HDLBP: variants seen among roughly 807,000 people sequenced by gnomAD.
HDLBP encodes vigilin.
A neutral mutation model predicts 137.3 loss-of-function variants in HDLBP; 30 were observed. That is an observed-to-expected ratio of 0.22 (90% CI 0.16 to 0.30). HDLBP has a LOEUF of 0.30. Among genes scored for constraint, HDLBP ranks in the 10% least tolerant of loss-of-function variants. HDLBP has a pLI of 1.00. For missense variants in HDLBP, 1,119 were observed against 1,667.3 expected (o/e 0.67, Z 5.73); for synonymous variants, 606 against 596.0 (o/e 1.02, Z -0.24).
intron 1 of HDLBP, among the ~76,000 whole-genome samples, chr2:241,314,099 T>C (rs1461186431): frequency 6.6e-5 from 10 of 152,228 alleles, no homozygotes; most frequent in Admixed American, 6.5e-4. Context: ...CTTGATAGGT[T>C]GATGTTTCAG....
In HDLBP at chr2:241,272,939, CGCCCAGCACCCGGGAG is replaced by C. The variant is rs901813271; in HGVS notation, c.-102-4414_-102-4399del. On this transcript the variant is annotated intron_variant, in intron 1 of 27. Transcript: ENST00000310931. The surrounding 1 kb of genome is among the most constrained non-coding windows in gnomAD (Gnocchi z 5.6). ...CGCTGGGGTCCCCGCCGCCCCGGGC[CGCCCAGCACCCGGGAG>C]GCCCACCCAACTGCAGGCGTGGTTC... 237 of 856,972 alleles carry C rather than the reference CGCCCAGCACCCGGGAG, an allele frequency of 2.8e-4. No homozygotes were observed. The highest frequency in any genetic ancestry group is 3.3e-4 in the Non-Finnish European group (234 of 712,652). The allele number at this position is 856,972 out of a possible 1,614,324, so 53.1% of individuals were successfully genotyped here. A position where few individuals can be genotyped will look rare whatever the true frequency, so the allele number is the denominator to read the frequency against.
intron 1 of HDLBP, among the ~76,000 whole-genome samples, chr2:241,295,592 C>G (rs1054069921): frequency 6.6e-6 from 1 of 152,210 alleles, no homozygotes; most frequent in Non-Finnish European, 1.5e-5. Flanking sequence ...CCCCCAATCA[C>G]ACTCCAAATA....
intron 1 of HDLBP, among the ~76,000 whole-genome samples, chr2:241,284,666 ACGTG>A (rs1397752640): frequency 6.6e-6 from 1 of 152,236 alleles, no homozygotes; most frequent in Non-Finnish European, 1.5e-5. Context: ...AAACAACATC[ACGTG>A]CTACAGAGAA....
At chr2:241,267,960 T>C in intron 2 of HDLBP, 1 of 985,082 alleles carries the variant, frequency 1.0e-6, no homozygotes. Flanking sequence ...CATTCAGCAT[T>C]CTGAGGTAGG....
chr2:241,264,334 C>G (rs2073474382), intron 4 of HDLBP, 114 bp downstream of exon 4: 14 of 704,232 alleles, frequency 2.0e-5, no homozygotes, highest in Non-Finnish European at 2.9e-5. Flanking sequence ...TGCACTCCAG[C>G]CTGGGCGACA....
rs1229026680 is a variant in HDLBP at position 241,229,606 on chromosome 2, G to A, written c.3802C>T (p.Arg1268Ter). The stretch of plus-strand genomic sequence containing the variant: ...GGTTCTGTTCTTTTTGATCATTATC[G>A]TTTGGGGCCCCAAGGGAGGGTCTTG... ...APKTLPWGPK[R>*] Residue 1268 changes from arginine (R) to a stop codon, truncating the protein, a stop_gained, in exon 28 of 28, where the codon CGA (arginine) becomes TGA (stop). Coordinates refer to ENST00000310931, the MANE Select transcript of HDLBP (RefSeq NM_005336.6). LOFTEE classifies it high-confidence loss of function. The A allele has an allele frequency of 1.9e-6, 3 of 1,612,738 alleles. No individual in the cohort carries two copies. Among genetic ancestry groups the A allele is most frequent in the Admixed American group, 1.7e-5 (1 of 59,996 alleles).
chr2:241,281,243 A>G (rs2074588004), intron 1 of HDLBP, among the ~76,000 whole-genome samples: 1 of 152,092 alleles, frequency 6.6e-6, no homozygotes, highest in African/African-American at 2.4e-5. Flanking sequence ...AATCCCAGCT[A>G]CTCGGGAGGC....
intron 3 of HDLBP, 122 bp from the exon 4 acceptor site, chr2:241,264,727 T>TC (rs2073516345): frequency 1.0e-5 from 9 of 897,210 alleles, no homozygotes; most frequent in South Asian, 1.8e-5. Flanking sequence ...CAAGGACAAC[T>TC]CCCCCCACCC....
chr2:241,306,369 C>G (rs2075575190), intron 1 of HDLBP, among the ~76,000 whole-genome samples: 1 of 151,844 alleles, frequency 6.6e-6, no homozygotes, highest in South Asian at 2.1e-4. Flanking sequence ...TCAGGCAATT[C>G]TCCTGCCTCA....
At position 241,235,496 on chromosome 2, in the gene HDLBP, C is replaced by A. The variant is rs1324970880; in HGVS notation, c.3003G>T (p.Glu1001Asp). ...TCCCGGGAAAGGGGTCTACCTCAAA[C>A]TCATCCATCATCTTGCGGATCCCAC... ...KGSGIRKMMD[E>D]FEVNIHVPAP... The change falls in exon 22 of 28, where the codon GAG becomes GAT. Residue 1001 changes from glutamate (E) to aspartate (D), a missense_variant. Coordinates refer to ENST00000310931, the MANE Select transcript of HDLBP (RefSeq NM_005336.6). 1 of 1,613,246 alleles carries A rather than the reference C, an allele frequency of 6.2e-7. No individual in the cohort carries two copies. Among genetic ancestry groups the A allele is most frequent in the African/African-American group, 1.3e-5 (1 of 75,042 alleles).
In HDLBP at chr2:241,262,320, G is replaced by A. The variant is rs565680256; in HGVS notation, c.450+391C>T. Among the ~76,000 whole-genome samples the A allele has an allele frequency of 4.6e-5, 7 of 152,288 alleles. No individual in the cohort carries two copies. The East Asian group carries it at 1.2e-3, about 25-fold the overall frequency. ...TTTCAGTTTGGCCAGATGTGGTGGT[G>A]TGCCTGTAATCCCAGCTAACTGGGA... On this transcript the variant is annotated intron_variant, in intron 5 of 27. Coordinates refer to ENST00000310931, the MANE Select transcript of HDLBP (RefSeq NM_005336.6).
chr2:241,295,849 G>A (rs1234939805), intron 1 of HDLBP, among the ~76,000 whole-genome samples: 8 of 152,186 alleles, frequency 5.3e-5, no homozygotes, highest in Non-Finnish European at 1.0e-4. Flanking sequence ...TGGGGCAGGA[G>A]CTGGAAGACG....
chr2:241,233,935 G>A lies in HDLBP; in HGVS notation c.3173C>T (p.Thr1058Ile). The A allele has an allele frequency of 6.2e-7, 1 of 1,614,184 alleles. No homozygotes were observed. Among genetic ancestry groups the A allele is most frequent in the Non-Finnish European group, 8.5e-7 (1 of 1,180,018 alleles). Residue 1058 changes from threonine to isoleucine, a missense_variant, in exon 24 of 28, where the codon ACT becomes ATT. Physicochemically the swap from Thr to Ile is moderately conservative, Grantham distance 89 (BLOSUM62 -1). Coordinates refer to ENST00000310931, the MANE Select transcript of HDLBP (RefSeq NM_005336.6). This position sits in a 1 kb window ranked among gnomAD's most constrained non-coding sequence, Gnocchi z 4.3. ...CTTGGGATGGTATTTGGGGTCTACAGTGACACTCAGCTTAAAACTCCTTAA... is the reference window on the plus strand; with the variant it reads ...CTTGGGATGGTATTTGGGGTCTACAATGACACTCAGCTTAAAACTCCTTAA... ...RALRSFKLSV[T>I]VDPKYHPKII...
chr2:241,253,271 A>G, intron 10 of HDLBP, 122 bp downstream of exon 10: 1 of 783,728 alleles, frequency 1.3e-6, no homozygotes, highest in Admixed American at 1.8e-5. Flanking sequence ...TTACTCACCC[A>G]GCTAGGATGC....
chr2:241,248,374 C>A (rs182635889), intron 12 of HDLBP, 26 bp from the exon 13 acceptor site: 2 of 1,560,010 alleles, frequency 1.3e-6, no homozygotes, highest in South Asian at 2.2e-5. Context: ...AAGTAGATGT[C>A]ATTTATCACA....
At chr2:241,288,588 T>C (rs1384529906) in intron 1 of HDLBP, among the ~76,000 whole-genome samples, 1 of 152,184 alleles carries the variant, frequency 6.6e-6, no homozygotes, top group East Asian at 1.9e-4. Context: ...ATCTTAAGTT[T>C]CTTTGACTCA....
chr2:241,283,746 TTA>T (rs1300843289), intron 1 of HDLBP, among the ~76,000 whole-genome samples: 35 of 152,202 alleles, frequency 2.3e-4, no homozygotes, highest in Admixed American at 2.3e-3. Context: ...AGTGCTGGGA[TTA>T]CAGGCGTGAG....
Position 241,255,327 on chromosome 2 carries a change from G to A in HDLBP, c.1080+47C>T, listed in dbSNP as rs748972930. 4.7e-5 allele frequency: 72 copies of A among 1,540,436 alleles called. No individual in the cohort carries two copies. The East Asian group carries it at 1.1e-3, about 24-fold the overall frequency. On this transcript the variant is annotated intron_variant, in intron 8 of 27. Coordinates refer to ENST00000310931, the MANE Select transcript of HDLBP (RefSeq NM_005336.6). The stretch of plus-strand genomic sequence containing the variant: ...TCGAGAGCTCATCCATGAAGGCCCC[G>A]CGGACTCCACTCAAAGGAGACACAC...
intron 1 of HDLBP, among the ~76,000 whole-genome samples, chr2:241,288,858 A>C (rs374777216): frequency 3.9e-5 from 6 of 152,204 alleles, no homozygotes; most frequent in Non-Finnish European, 8.8e-5. Context: ...TTAGTCCTGC[A>C]ATTTAAAAAT....
Sources: allele counts gnomAD v4.1 joint callset (sites outside exome capture counted in the v4.1 genomes callset), GRCh38; gene constraint gnomAD v4.1.1; non-coding constraint Gnocchi (gnomAD v3.1); transcripts MANE v1.5; gene names NCBI Gene and HGNC (gene_info 2026-07-23, HGNC 2026-07-21).